The following ZNF385B variants were observed in gnomAD, a reference collection of about 807,000 sequenced individuals.
ZNF385B encodes the protein zinc finger protein 385B, also known as zinc finger protein 533.
ZNF385B carries 23 observed loss-of-function variants against 39.2 expected under a neutral mutation model. That is an observed-to-expected ratio of 0.59 (90% CI 0.42 to 0.83). The LOEUF is 0.83. ZNF385B is among the 40% of genes least tolerant of loss of function. ZNF385B has a pLI of 0.00. For missense variants in ZNF385B, 552 were observed against 598.9 expected, an observed-to-expected ratio of 0.92 and a Z score of 0.82; for synonymous variants, 205 against 222.6, an observed-to-expected ratio of 0.92 and a Z score of 0.70.
chr2:179,739,399 C>T (rs945842306), intron 3 of ZNF385B, among the ~76,000 whole-genome samples: 2 of 152,144 alleles, frequency 1.3e-5, no homozygotes, highest in African/African-American at 4.8e-5. Context: ...TAAAGCACTG[C>T]CAAGTCTTTT....
At chr2:179,817,995 A>G (rs1437606588) in intron 1 of ZNF385B, among the ~76,000 whole-genome samples, 1 of 152,032 alleles carries the variant, frequency 6.6e-6, no homozygotes, top group East Asian at 1.9e-4. Flanking sequence ...TCAAACAAGC[A>G]ACCATGTATG....
At chr2:179,817,932 T>C (rs1707169422) in intron 1 of ZNF385B, among the ~76,000 whole-genome samples, 2 of 152,170 alleles carry the variant, frequency 1.3e-5, no homozygotes, top group African/African-American at 2.4e-5. Context: ...ACTTTTATGT[T>C]GTGTAGGTGT....
chr2:179,661,332 A>T (rs896044785), intron 3 of ZNF385B, among the ~76,000 whole-genome samples: 1 of 152,208 alleles, frequency 6.6e-6, no homozygotes, highest in African/African-American at 2.4e-5. Context: ...CATATTCAAT[A>T]GATACATCAA....
At chr2:179,726,764 C>T (rs971679664) in intron 3 of ZNF385B, among the ~76,000 whole-genome samples, 1 of 151,966 alleles carries the variant, frequency 6.6e-6, no homozygotes, top group African/African-American at 2.4e-5. Flanking sequence ...TAATATAGTA[C>T]TATTACTGCA....
intron 1 of ZNF385B, among the ~76,000 whole-genome samples, chr2:179,842,576 T>C (rs1038255999): frequency 5.9e-5 from 9 of 152,104 alleles, no homozygotes; most frequent in Non-Finnish European, 1.3e-4. Context: ...ATTAACTCTT[T>C]CATAGATTGA....
intron 1 of ZNF385B, among the ~76,000 whole-genome samples, chr2:179,833,484 T>A (rs1445979029): frequency 6.6e-6 from 1 of 152,124 alleles, no homozygotes; most frequent in Non-Finnish European, 1.5e-5. Context: ...TAATGCAGAA[T>A]CAAACCAAGA....
At chr2:179,829,026 TA>T (rs35970804) in intron 1 of ZNF385B, among the ~76,000 whole-genome samples, 452 of 143,356 alleles carry the variant, frequency 3.2e-3, no homozygotes, top group Admixed American at 2.9e-3. Context: ...TGGGATGGAT[TA>T]AAAAAAAAAA....
chr2:179,846,509 C>T (rs754280754), intron 1 of ZNF385B, among the ~76,000 whole-genome samples: 32 of 152,146 alleles, frequency 2.1e-4, no homozygotes, highest in Middle Eastern at 3.2e-3. Context: ...CATTTACCTG[C>T]GTGGAAAATA....
intron 3 of ZNF385B, among the ~76,000 whole-genome samples, chr2:179,575,701 G>T (rs1323690362): frequency 6.6e-6 from 1 of 152,064 alleles, no homozygotes; most frequent in African/African-American, 2.4e-5. Context: ...AGGGAGGAAA[G>T]AATTAATATA....
chr2:179,531,506 G>A (rs2059250362), intron 4 of ZNF385B, among the ~76,000 whole-genome samples: 1 of 151,850 alleles, frequency 6.6e-6, no homozygotes, highest in Admixed American at 6.6e-5. Flanking sequence ...TGTGGTGGTG[G>A]GCACCTGTAA....
chr2:179,521,681 T>C (rs2058519556), intron 4 of ZNF385B, among the ~76,000 whole-genome samples: 2 of 152,066 alleles, frequency 1.3e-5, no homozygotes, highest in African/African-American at 4.8e-5. Context: ...ATTAAGAAGG[T>C]TCCTTCATGA....
At chr2:179,547,763 T>C (rs1192432482) in intron 3 of ZNF385B, among the ~76,000 whole-genome samples, 2 of 149,550 alleles carry the variant, frequency 1.3e-5, no homozygotes, top group African/African-American at 5.0e-5. Context: ...AATGTTGTCA[T>C]TGGTATTTTG....
At chr2:179,778,493 T>G (rs1704475285) in intron 1 of ZNF385B, among the ~76,000 whole-genome samples, 1 of 152,192 alleles carries the variant, frequency 6.6e-6, no homozygotes, top group Non-Finnish European at 1.5e-5. Context: ...CATAGGCAAT[T>G]GAATGGATGG....
intron 4 of ZNF385B, among the ~76,000 whole-genome samples, chr2:179,531,251 G>T (rs189606316): frequency 1.3e-5 from 2 of 152,060 alleles, no homozygotes; most frequent in Non-Finnish European, 2.9e-5. Flanking sequence ...GAATTTTAGG[G>T]GTAAACAGCA....
intron 3 of ZNF385B, among the ~76,000 whole-genome samples, chr2:179,730,191 G>A (rs907341435): frequency 2.6e-5 from 4 of 152,146 alleles, no homozygotes; most frequent in African/African-American, 7.2e-5. Flanking sequence ...CCAGCATGAG[G>A]TAACACTAAG....
intron 3 of ZNF385B, among the ~76,000 whole-genome samples, chr2:179,754,613 G>A (rs1575426708): frequency 6.6e-6 from 1 of 152,172 alleles, no homozygotes; most frequent in Non-Finnish European, 1.5e-5. Flanking sequence ...TTCAGAGCCT[G>A]TTATTGGTCT....
intron 3 of ZNF385B, among the ~76,000 whole-genome samples, chr2:179,704,586 T>C (rs942496736): frequency 1.3e-5 from 2 of 152,118 alleles, no homozygotes; most frequent in Non-Finnish European, 2.9e-5. Flanking sequence ...AGATGAAATA[T>C]AAAGAAATGA....
rs528362941 is a variant in ZNF385B, at chr2:179,757,260, G to A, written c.298+12243C>T. ...CCCTGTTTGCCTGGGTATCAGCAGC[G>A]GAGGCTGCAGAACAGTGAATACTGC... On this transcript the variant is annotated intron_variant, in intron 3 of 9. Coordinates refer to ENST00000410066, the MANE Select transcript of ZNF385B (RefSeq NM_152520.6). Among the ~76,000 whole-genome samples, 107 of 152,324 alleles carry A rather than the reference G, an allele frequency of 7.0e-4. 2 individuals are homozygous for A. The highest frequency in any genetic ancestry group is 2.3e-3 in the African/African-American group (96 of 41,582).
At chr2:179,633,920 T>C (rs996396102) in intron 3 of ZNF385B, among the ~76,000 whole-genome samples, 2 of 152,212 alleles carry the variant, frequency 1.3e-5, no homozygotes, top group African/African-American at 4.8e-5. Context: ...TACAACCATC[T>C]GATCTTTGAC....
Sources: allele counts gnomAD v4.1 joint callset (sites outside exome capture counted in the v4.1 genomes callset), GRCh38; gene constraint gnomAD v4.1.1; transcripts MANE v1.5; gene names NCBI Gene and HGNC (gene_info 2026-07-23, HGNC 2026-07-21).